The following MACROD2 variants were observed in gnomAD, a reference collection of about 807,000 sequenced individuals.
MACROD2 encodes mono-ADP ribosylhydrolase 2, also known as ADP-ribose glycohydrolase MACROD2.
Under a neutral mutation model 70.4 loss-of-function variants are expected in MACROD2, and 36 were observed. The observed-to-expected ratio is 0.51, with a 90% CI of 0.39 to 0.68. The LOEUF is 0.68. MACROD2 is among the 30% of genes least tolerant of loss of function. The probability of loss-of-function intolerance (pLI) is 0.00; values close to 1 mark genes in which losing one functional copy is unlikely to be tolerated. For missense variants in MACROD2, 496 were observed against 538.4 expected (o/e 0.92, Z 0.78); for synonymous variants, 172 against 178.8 (o/e 0.96, Z 0.30).
chr20:14,335,398 CTGCTTCATT>C (rs1325552501), intron 3 of MACROD2, among the ~76,000 whole-genome samples: 2 of 152,234 alleles, frequency 1.3e-5, no homozygotes, highest in African/African-American at 4.8e-5. Context: ...TTATTTCACA[CTGCTTCATT>C]TAGCTCTGAA....
chr20:15,244,287 A>G (rs952225887), intron 6 of MACROD2, among the ~76,000 whole-genome samples: 2 of 152,228 alleles, frequency 1.3e-5, no homozygotes, highest in Non-Finnish European at 2.9e-5. Context: ...TTTGCTGGTT[A>G]ATGAGACTTA....
Position 15,797,261 on chromosome 20 carries a change from C to A in MACROD2, c.646-65484C>A, listed in dbSNP as rs2063682874. Among the ~76,000 whole-genome samples the A allele has an allele frequency of 2.0e-5, 3 of 152,214 alleles. No homozygotes were observed. The South Asian group carries it at 6.2e-4, about 32-fold the overall frequency. ...CCCTAGTAGCTGGGACTACAGGCCT[C>A]CGCTACCACGCCCGGCTAATTTTTT... On this transcript the variant is annotated intron_variant, in intron 8 of 17. Transcript: ENST00000684519.
chr20:15,168,495 ATGAAT>A (rs2076401654), intron 5 of MACROD2, among the ~76,000 whole-genome samples: 1 of 136,974 alleles, frequency 7.3e-6, no homozygotes. Flanking sequence ...GTGTGTTGAC[ATGAAT>A]TATTTCCATC....
chr20:15,885,341 C>T (rs540205514), intron 9 of MACROD2, among the ~76,000 whole-genome samples: 15 of 152,178 alleles, frequency 9.9e-5, no homozygotes, highest in African/African-American at 3.6e-4. Context: ...TGACATGTGT[C>T]GGTCTATGAC....
At chr20:15,590,483 C>T (rs1296180483) in intron 8 of MACROD2, among the ~76,000 whole-genome samples, 2 of 152,170 alleles carry the variant, frequency 1.3e-5, no homozygotes, top group Non-Finnish European at 2.9e-5. Context: ...ATTTCTTTTA[C>T]CATATGTGTA....
intron 8 of MACROD2, among the ~76,000 whole-genome samples, chr20:15,712,170 G>C (rs2050638452): frequency 6.6e-6 from 1 of 152,114 alleles, no homozygotes; most frequent in Admixed American, 6.5e-5. Context: ...TATAAAACAG[G>C]CATCTTCAAA....
intron 6 of MACROD2, among the ~76,000 whole-genome samples, chr20:15,392,026 A>AT (rs35876874): frequency 6.6e-6 from 1 of 151,964 alleles, no homozygotes; most frequent in South Asian, 2.1e-4. Context: ...TTGCTTGTTC[A>AT]TTTTTTTAAG....
intron 8 of MACROD2, among the ~76,000 whole-genome samples, chr20:15,612,129 A>T (rs924889681): frequency 1.3e-5 from 2 of 152,010 alleles, no homozygotes; most frequent in Non-Finnish European, 2.9e-5. Context: ...TTGCTACCTT[A>T]GTAAATAAAA....
chr20:15,939,499 C>T (rs2065718833), intron 12 of MACROD2, among the ~76,000 whole-genome samples: 2 of 152,064 alleles, frequency 1.3e-5, no homozygotes, highest in South Asian at 4.2e-4. Flanking sequence ...TTTAAGCCCA[C>T]TGTTGAGACC....
At chr20:15,097,507 T>G (rs780585709) in intron 5 of MACROD2, among the ~76,000 whole-genome samples, 12 of 152,168 alleles carry the variant, frequency 7.9e-5, no homozygotes, top group Non-Finnish European at 1.5e-4. Context: ...ATCAATTATT[T>G]TTCAATATAC....
intron 5 of MACROD2, among the ~76,000 whole-genome samples, chr20:14,761,444 G>A (rs1014840951): frequency 3.3e-5 from 5 of 152,058 alleles, no homozygotes; most frequent in Admixed American, 6.5e-5. Flanking sequence ...ATCATACCCC[G>A]ACTGGTGAGT....
chr20:15,284,221 G>C (rs1432549292), intron 6 of MACROD2, among the ~76,000 whole-genome samples: 1 of 151,996 alleles, frequency 6.6e-6, no homozygotes, highest in Non-Finnish European at 1.5e-5. Flanking sequence ...CTCCCTCCCT[G>C]TATCATCGCT....
At chr20:15,666,650 T>C (rs2049901491) in intron 8 of MACROD2, among the ~76,000 whole-genome samples, 1 of 152,192 alleles carries the variant, frequency 6.6e-6, no homozygotes. Flanking sequence ...TGAGTTTTAA[T>C]TCAATTCAAT....
At chr20:14,415,420 T>C (rs1174773146) in intron 3 of MACROD2, among the ~76,000 whole-genome samples, 2 of 151,924 alleles carry the variant, frequency 1.3e-5, no homozygotes, top group African/African-American at 4.9e-5. Context: ...CCACGGCCAA[T>C]TGTGTGACCA....
chr20:15,816,952 G>A (rs374251584), intron 8 of MACROD2, among the ~76,000 whole-genome samples: 46 of 152,244 alleles, frequency 3.0e-4, no homozygotes, highest in South Asian at 2.9e-3. Flanking sequence ...TCGTGCCAGC[G>A]AGAATTCAAT....
chr20:15,021,108 G>C, intron 5 of MACROD2, among the ~76,000 whole-genome samples: 1 of 101,798 alleles, frequency 9.8e-6, no homozygotes, highest in East Asian at 2.4e-4. Context: ...GTATACACGT[G>C]TATGTGTATA....
chr20:14,304,376 A>G (rs2082502047), intron 3 of MACROD2, among the ~76,000 whole-genome samples: 1 of 152,210 alleles, frequency 6.6e-6, no homozygotes, highest in Non-Finnish European at 1.5e-5. Context: ...TCGCCAGAAG[A>G]CAAGTTAATG....
intron 5 of MACROD2, among the ~76,000 whole-genome samples, chr20:14,995,844 T>C (rs1375450980): frequency 6.6e-6 from 1 of 152,182 alleles, no homozygotes; most frequent in Non-Finnish European, 1.5e-5. Flanking sequence ...GGGAAATGTA[T>C]GCCTTAAATG....
At chr20:14,000,536 G>A (rs2052719935) in intron 1 of MACROD2, among the ~76,000 whole-genome samples, 1 of 152,182 alleles carries the variant, frequency 6.6e-6, no homozygotes, top group Admixed American at 6.5e-5. Flanking sequence ...AGTACCTTGT[G>A]ATACACTGAA....
Sources: gnomAD v4.1 joint callset for allele counts (sites outside exome capture counted in the v4.1 genomes callset) on GRCh38, gnomAD v4.1.1 for gene constraint, MANE v1.5 for transcripts, NCBI Gene and HGNC (gene_info 2026-07-23, HGNC 2026-07-21) for gene names.